NUBPL: variants seen among roughly 807,000 people sequenced by gnomAD.
NUBPL encodes NUBP iron-sulfur cluster assembly factor, mitochondrial, also known as iron-sulfur cluster transfer protein NUBPL.
Under a neutral mutation model 45.7 loss-of-function variants are expected in NUBPL, and 31 were observed. The observed-to-expected ratio is 0.68, with a 90% CI of 0.51 to 0.92. The LOEUF is 0.92. Ranked by LOEUF, NUBPL falls within the 40% of genes least tolerant of loss-of-function variation. NUBPL has a pLI of 0.00. For missense variants in NUBPL, 401 were observed against 398.7 expected, an observed-to-expected ratio of 1.01 and a Z score of -0.05; for synonymous variants, 144 against 140.9, an observed-to-expected ratio of 1.02 and a Z score of -0.15.
chr14:31,781,577 C>G (rs897374074), intron 6 of NUBPL, among the ~76,000 whole-genome samples: 5 of 152,170 alleles, frequency 3.3e-5, no homozygotes, highest in Non-Finnish European at 5.9e-5. Context: ...AATTAAAAAT[C>G]AAAACCTCTT....
intron 6 of NUBPL, among the ~76,000 whole-genome samples, chr14:31,748,956 C>T (rs1333598858): frequency 2.0e-5 from 3 of 152,070 alleles, no homozygotes; most frequent in Non-Finnish European, 2.9e-5. Flanking sequence ...TTTTTTGCAT[C>T]CCATATCTTT....
intron 7 of NUBPL, among the ~76,000 whole-genome samples, chr14:31,811,805 T>A (rs1270345988): frequency 6.6e-6 from 1 of 152,176 alleles, no homozygotes; most frequent in African/African-American, 2.4e-5. Flanking sequence ...GGGGTTTTTT[T>A]GTGGATGTCC....
At chr14:31,598,277 T>C (rs774119427) in intron 3 of NUBPL, among the ~76,000 whole-genome samples, 24 of 151,640 alleles carry the variant, frequency 1.6e-4, no homozygotes, top group Non-Finnish European at 3.1e-4. Flanking sequence ...ATTTAAAAAG[T>C]TTTTTTTTGT....
intron 6 of NUBPL, among the ~76,000 whole-genome samples, chr14:31,782,764 C>A (rs577166777): frequency 1.3e-5 from 2 of 151,122 alleles, no homozygotes; most frequent in African/African-American, 2.4e-5. Flanking sequence ...CCAGCCTGGG[C>A]GACAGAGTGA....
chr14:31,788,189 G>A (rs1162683252), intron 7 of NUBPL, among the ~76,000 whole-genome samples: 1 of 152,192 alleles, frequency 6.6e-6, no homozygotes, highest in Admixed American at 6.5e-5. Flanking sequence ...CAAGAAAGGA[G>A]CAGGCTGGAA....
intron 6 of NUBPL, among the ~76,000 whole-genome samples, chr14:31,740,453 T>A (rs1417370032): frequency 1.3e-5 from 2 of 152,232 alleles, no homozygotes; most frequent in Non-Finnish European, 2.9e-5. Context: ...TATATCTTAT[T>A]TGGTGAGATG....
At chr14:31,756,226 A>G (rs1469546033) in intron 6 of NUBPL, among the ~76,000 whole-genome samples, 3 of 152,128 alleles carry the variant, frequency 2.0e-5, no homozygotes, top group Non-Finnish European at 2.9e-5. Flanking sequence ...GTTTTTTCGA[A>G]TTCTGTGAGG....
chr14:31,801,736 T>C (rs1279291826), intron 7 of NUBPL, among the ~76,000 whole-genome samples: 1 of 152,184 alleles, frequency 6.6e-6, no homozygotes, highest in Non-Finnish European at 1.5e-5. Context: ...GAAATTGTTC[T>C]TATAATAGAA....
chr14:31,663,203 A>T lies in NUBPL; in HGVS notation c.383-10152A>T, dbSNP rs141212348. ...TTCTGTAGGTTGCCTGTTCACTCTG[A>T]TGATAGTTTTCTTTTGCTGTGTAGA... On this transcript the variant is annotated intron_variant, in intron 4 of 10. Coordinates refer to ENST00000281081, the MANE Select transcript of NUBPL (RefSeq NM_025152.3). Among the ~76,000 whole-genome samples, 48 of 152,212 alleles carry T rather than the reference A, an allele frequency of 3.2e-4. No individual in the cohort carries two copies. The East Asian group carries it at 8.1e-3, about 26-fold the overall frequency.
intron 7 of NUBPL, among the ~76,000 whole-genome samples, chr14:31,816,351 G>C (rs1433374533): frequency 1.3e-5 from 2 of 152,144 alleles, no homozygotes; most frequent in Non-Finnish European, 2.9e-5. Flanking sequence ...ATGGTAGTTT[G>C]TATTTCTGTG....
At chr14:31,662,322 T>C (rs535461754) in intron 4 of NUBPL, among the ~76,000 whole-genome samples, 45 of 151,898 alleles carry the variant, frequency 3.0e-4, no homozygotes, top group Non-Finnish European at 5.9e-4. Flanking sequence ...TATTATACTT[T>C]AAGTTCTGAG....
At chr14:31,745,148 C>T (rs2038369637) in intron 6 of NUBPL, among the ~76,000 whole-genome samples, 1 of 151,862 alleles carries the variant, frequency 6.6e-6, no homozygotes, top group Non-Finnish European at 1.5e-5. Flanking sequence ...GTGTGCTGCA[C>T]CCATTAACTC....
At chr14:31,765,764 G>A (rs772121683) in intron 6 of NUBPL, among the ~76,000 whole-genome samples, 27 of 151,548 alleles carry the variant, frequency 1.8e-4, no homozygotes, top group Non-Finnish European at 3.4e-4. Flanking sequence ...AGCTATCTTT[G>A]TTTACCAAAG....
chr14:31,666,544 T>A (rs1369000204), intron 4 of NUBPL, among the ~76,000 whole-genome samples: 2 of 152,102 alleles, frequency 1.3e-5, no homozygotes, highest in Non-Finnish European at 2.9e-5. Context: ...ATTACAGGCA[T>A]GAGCCACCGT....
At chr14:31,834,178 C>CTTTTTTT (rs34255943) in intron 8 of NUBPL, among the ~76,000 whole-genome samples, 12 of 107,010 alleles carry the variant, frequency 1.1e-4, no homozygotes, top group African/African-American at 2.2e-4. Context: ...TGGCCTGGAA[C>CTTTTTTT]TTTTTTTTTT....
intron 6 of NUBPL, among the ~76,000 whole-genome samples, chr14:31,712,757 T>C (rs547746437): frequency 1.2e-4 from 18 of 152,302 alleles, no homozygotes; most frequent in Admixed American, 8.5e-4. Context: ...AACCAGTCAC[T>C]GAGAGAATGA....
chr14:31,680,903 G>A (rs546300757), intron 6 of NUBPL, among the ~76,000 whole-genome samples: 4 of 152,150 alleles, frequency 2.6e-5, no homozygotes, highest in South Asian at 4.1e-4. Context: ...TGTGGAACCC[G>A]TGGATATGGT....
Position 31,841,917 on chromosome 14 carries a change from C to CTTTTGTTTTTTTTTT in NUBPL, c.694-4550_694-4549insGTTTTTTTTTTTTTT. On this transcript the variant is annotated intron_variant, in intron 8 of 10. Transcript: ENST00000281081. Reference sequence around the variant, plus strand: ...CTTTCATGTATGGGTCGATTCTGGGCTTTTTTTTTTTTTTTTTTTTTTTTT... The same window carrying CTTTTGTTTTTTTTTT: ...CTTTCATGTATGGGTCGATTCTGGGCTTTTGTTTTTTTTTTTTTTTTTTTTTTTTTTTTTTTTTTT... 3.8e-3 allele frequency among the ~76,000 whole-genome samples: 164 copies of CTTTTGTTTTTTTTTT among 43,034 alleles called. 14 individuals carry two copies. The highest frequency in any genetic ancestry group is 5.2e-3 in the Non-Finnish European group (123 of 23,464). 28.2% of individuals were successfully genotyped at this position (43,034 alleles called of 152,430 possible).
intron 4 of NUBPL, among the ~76,000 whole-genome samples, chr14:31,651,806 G>C (rs1329718837): frequency 2.0e-5 from 3 of 151,796 alleles, no homozygotes; most frequent in Non-Finnish European, 2.9e-5. Context: ...GGCTGAGGTA[G>C]GAGAATGGCA....
Sources: gnomAD v4.1 joint callset for allele counts (sites outside exome capture counted in the v4.1 genomes callset) on GRCh38, gnomAD v4.1.1 for gene constraint, MANE v1.5 for transcripts, NCBI Gene and HGNC (gene_info 2026-07-23, HGNC 2026-07-21) for gene names.